L3MBTL4: variants seen among roughly 807,000 people sequenced by gnomAD.
The protein encoded by L3MBTL4 is L3MBTL histone methyl-lysine binding protein 4.
L3MBTL4 carries 70 observed loss-of-function variants against 84.5 expected under a neutral mutation model. The ratio of observed to expected loss-of-function variants is 0.83; its 90% CI spans 0.68 to 1.01. The LOEUF (loss-of-function observed/expected upper bound fraction) is 1.01. Ranked by LOEUF, L3MBTL4 falls within the 50% of genes least tolerant of loss-of-function variation. L3MBTL4 has a pLI of 0.00. For synonymous variants in L3MBTL4, 274 were observed against 259.8 expected (o/e 1.05, Z -0.52); for missense variants, 715 against 754.8 (o/e 0.95, Z 0.62).
intron 1 of L3MBTL4, among the ~76,000 whole-genome samples, chr18:6,407,259 C>T (rs72879999): frequency 6.6e-5 from 10 of 152,174 alleles, no homozygotes; most frequent in African/African-American, 2.4e-4. Flanking sequence ...GAAGTGGGGA[C>T]GCTCCTTCGA....
intron 1 of L3MBTL4, among the ~76,000 whole-genome samples, chr18:6,340,140 C>A (rs1297324027): frequency 6.6e-6 from 1 of 152,112 alleles, no homozygotes; most frequent in Admixed American, 6.5e-5. Context: ...TTATGAACAT[C>A]TTTTTTAAAA....
intron 1 of L3MBTL4, among the ~76,000 whole-genome samples, chr18:6,410,846 G>A (rs1449644349): frequency 6.6e-6 from 1 of 152,126 alleles, no homozygotes; most frequent in East Asian, 1.9e-4. Context: ...ATTACTTCCA[G>A]CCTCATTAAG....
intron 1 of L3MBTL4, among the ~76,000 whole-genome samples, chr18:6,410,768 C>T (rs1013675112): frequency 2.0e-5 from 3 of 152,008 alleles, no homozygotes; most frequent in Non-Finnish European, 2.9e-5. Flanking sequence ...ATTGTGGCAG[C>T]GACCACACTT....
At chr18:6,284,356 G>T (rs1402318028) in intron 4 of L3MBTL4, among the ~76,000 whole-genome samples, 1 of 152,168 alleles carries the variant, frequency 6.6e-6, no homozygotes, top group Non-Finnish European at 1.5e-5. Context: ...CTCTCACGGA[G>T]CCCACATGTC....
intron 1 of L3MBTL4, among the ~76,000 whole-genome samples, chr18:6,370,902 C>T (rs1265918528): frequency 1.3e-5 from 2 of 152,186 alleles, no homozygotes; most frequent in Admixed American, 6.5e-5. Flanking sequence ...CACCAACCAG[C>T]GCTTATCTTT....
At position 6,412,318 on chromosome 18, in the gene L3MBTL4, T is replaced by G. The variant is rs2056000752; in HGVS notation, c.-91+2483A>C. ...TCCAGCCCACCAAACCTACCTCTCC[T>G]GCTCACTCCCCCACTTCACCAGCAG... is the stretch of plus-strand genomic sequence containing the variant. On this transcript the variant is annotated intron_variant, in intron 1 of 18. Transcript: ENST00000317931. 2.0e-5 allele frequency among the ~76,000 whole-genome samples: 3 copies of G among 152,180 alleles called. No homozygotes were observed. In the South Asian group the frequency reaches 6.2e-4, roughly 32 times the overall value.
At chr18:6,068,908 G>A (rs984928866) in intron 16 of L3MBTL4, among the ~76,000 whole-genome samples, 3 of 152,154 alleles carry the variant, frequency 2.0e-5, no homozygotes, top group African/African-American at 4.8e-5. Context: ...TTCCCTTGAT[G>A]TGATGCTCTC....
chr18:6,011,899 G>A (rs1460175674), intron 16 of L3MBTL4, among the ~76,000 whole-genome samples: 1 of 152,192 alleles, frequency 6.6e-6, no homozygotes, highest in Non-Finnish European at 1.5e-5. Context: ...TTAAGTAAAG[G>A]AAAAGTCATC....
intron 16 of L3MBTL4, among the ~76,000 whole-genome samples, chr18:6,050,984 T>C (rs1200753746): frequency 6.6e-6 from 1 of 152,204 alleles, no homozygotes; most frequent in African/African-American, 2.4e-5. Context: ...TGGTGGCAGC[T>C]GCCGCCAGGT....
At chr18:6,293,936 T>A (rs748502694) in intron 4 of L3MBTL4, among the ~76,000 whole-genome samples, 1 of 152,176 alleles carries the variant, frequency 6.6e-6, no homozygotes, top group African/African-American at 2.4e-5. Flanking sequence ...TAATGTGACA[T>A]ATGATTCTGA....
intron 16 of L3MBTL4, among the ~76,000 whole-genome samples, chr18:5,989,065 G>A (rs1300391234): frequency 1.3e-5 from 2 of 152,324 alleles, no homozygotes; most frequent in Middle Eastern, 3.4e-3. Context: ...GAGACAGAGA[G>A]GTGGGGGCCT....
intron 14 of L3MBTL4, among the ~76,000 whole-genome samples, chr18:6,110,304 T>C (rs998390880): frequency 1.3e-5 from 2 of 152,164 alleles, no homozygotes; most frequent in African/African-American, 2.4e-5. Context: ...CACATACACA[T>C]ACCTGGTCTG....
chr18:6,132,155 CA>C (rs745856044), intron 14 of L3MBTL4, among the ~76,000 whole-genome samples: 8 of 152,118 alleles, frequency 5.3e-5, no homozygotes, highest in Non-Finnish European at 1.0e-4. Context: ...TGTATTAAGA[CA>C]AAATAGTGTT....
At position 6,067,917 on chromosome 18, in the gene L3MBTL4, A is replaced by G. The variant is rs555002774; in HGVS notation, c.1444+12964T>C. Reference sequence around the variant, plus strand: ...GGTTTCTTCTTATTTTGGGTGGACCATTTCTTCAAATTGTTCTTAAATTTA... The same window carrying G: ...GGTTTCTTCTTATTTTGGGTGGACCGTTTCTTCAAATTGTTCTTAAATTTA... On this transcript the variant is annotated intron_variant, in intron 16 of 18. Transcript: ENST00000317931. 2.5e-4 allele frequency among the ~76,000 whole-genome samples: 38 copies of G among 152,164 alleles called. 1 individual carries two copies. The highest frequency in any genetic ancestry group is 3.1e-4 in the Non-Finnish European group (21 of 67,982).
Position 6,243,290 on chromosome 18 carries a change from T to C in L3MBTL4, c.460+4A>G. On this transcript the variant is annotated splice_donor_region_variant and intron_variant, in intron 7 of 18. Coordinates refer to ENST00000317931, the MANE Select transcript of L3MBTL4 (RefSeq NM_001330559.2). ...TTCCAGTTGGTAAATGTATCCTGGC[T>C]TACCCTTAGGGATGTGCAGTTCATG... 6.4e-7 allele frequency: 1 copy of C among 1,553,630 alleles called. No individual in the cohort carries two copies. The highest frequency in any genetic ancestry group is 8.7e-7 in the Non-Finnish European group (1 of 1,151,926).
intron 16 of L3MBTL4, among the ~76,000 whole-genome samples, chr18:6,059,774 G>A (rs547989092): frequency 2.0e-5 from 3 of 152,222 alleles, no homozygotes; most frequent in Admixed American, 1.3e-4. Context: ...GATCTGTCAG[G>A]GAAACAAATT....
chr18:6,343,159 C>T (rs2052693881), intron 1 of L3MBTL4, among the ~76,000 whole-genome samples: 1 of 152,076 alleles, frequency 6.6e-6, no homozygotes, highest in African/African-American at 2.4e-5. Context: ...ACTTTGATAC[C>T]TCACTTTCAA....
chr18:5,959,684 C>T (rs1407727471), intron 18 of L3MBTL4, among the ~76,000 whole-genome samples: 1 of 152,122 alleles, frequency 6.6e-6, no homozygotes, highest in East Asian at 1.9e-4. Flanking sequence ...AGGATTCCTG[C>T]CTTCCCGCAA....
At chr18:6,265,857 C>T (rs891931714) in intron 4 of L3MBTL4, among the ~76,000 whole-genome samples, 2 of 152,276 alleles carry the variant, frequency 1.3e-5, no homozygotes, top group Middle Eastern at 3.4e-3. Flanking sequence ...AAGGATACAA[C>T]GTTCCAGTTA....
Sources: gnomAD v4.1 joint callset for allele counts (sites outside exome capture counted in the v4.1 genomes callset) on GRCh38, gnomAD v4.1.1 for gene constraint, MANE v1.5 for transcripts, NCBI Gene and HGNC (gene_info 2026-07-23, HGNC 2026-07-21) for gene names.